TIGIT: variants seen among roughly 807,000 people sequenced by gnomAD.
The protein encoded by TIGIT is T cell immunoreceptor with Ig and ITIM domains.
Under a neutral mutation model 19.6 loss-of-function variants are expected in TIGIT, and 11 were observed. The ratio of observed to expected loss-of-function variants is 0.56; its 90% CI spans 0.35 to 0.93. The LOEUF (loss-of-function observed/expected upper bound fraction) is 0.93. Among genes scored for constraint, TIGIT ranks in the 40% least tolerant of loss-of-function variants. The probability of loss-of-function intolerance (pLI) is 0.01; values close to 1 mark genes in which losing one functional copy is unlikely to be tolerated. For missense variants in TIGIT, 295 were observed against 303.9 expected (o/e 0.97, Z 0.22); for synonymous variants, 130 against 125.5 (o/e 1.04, Z -0.24).
chr3:114,306,350 A>G (rs1346193563), intron 3 of TIGIT, among the ~76,000 whole-genome samples: 1 of 152,164 alleles, frequency 6.6e-6, no homozygotes, highest in East Asian at 1.9e-4. Context: ...GACACACCCA[A>G]AATGGGCTTT....
In TIGIT at chr3:114,294,093, AG is replaced by A. The variant is rs2107946070; in HGVS notation, c.36del (p.Leu13Ter). Reference protein sequence around the residue: MRWCLLLIWAQGLRQAPLASG... With the variant: MRWCLLLIWAXGLRQAPLASG... ...TGGTGTCTCCTCCTGATCTGGGCCC[AG>A]GGGCTGAGGCAGGCTCCCCTCGCCT... On this transcript the variant is annotated frameshift_variant, in exon 1 of 4. Transcript: ENST00000383671. LOFTEE classifies it high-confidence loss of function. 2 of 1,555,050 alleles carry A rather than the reference AG, an allele frequency of 1.3e-6. No individual in the cohort carries two copies. Among genetic ancestry groups the A allele is most frequent in the East Asian group, 2.4e-5 (1 of 41,600 alleles).
chr3:114,303,575 A>ATATATATATACATATATATG (rs1560033602), intron 3 of TIGIT, among the ~76,000 whole-genome samples: 40 of 4,928 alleles, frequency 8.1e-3, no homozygotes, highest in African/African-American at 0.013. Context: ...ATATATATGT[A>ATATATATATACATATATATG]TATATATATA....
rs1560036027 is a variant in TIGIT at position 114,309,181 on chromosome 3, A to G, written c.*1050A>G. Reference sequence around the variant, plus strand: ...GATTTTTAAAATAGGGACTCTTCCTAGGGGAAAAAGGGGGGCTGGGAGTGA... The same window carrying G: ...GATTTTTAAAATAGGGACTCTTCCTGGGGGAAAAAGGGGGGCTGGGAGTGA... On this transcript the variant is annotated 3_prime_UTR_variant, in exon 4 of 4. Transcript: ENST00000383671. 1 of 152,250 alleles carries G rather than the reference A, an allele frequency of 6.6e-6. No individual in the cohort carries two copies. Among genetic ancestry groups the G allele is most frequent in the Non-Finnish European group, 1.5e-5 (1 of 68,060 alleles). 9.4% of individuals were successfully genotyped at this position (152,250 alleles called of 1,614,324 possible).
intron 3 of TIGIT, among the ~76,000 whole-genome samples, chr3:114,300,014 G>A (rs1178498833): frequency 2.6e-5 from 4 of 152,116 alleles, no homozygotes; most frequent in African/African-American, 9.7e-5. Flanking sequence ...CTATGATTTT[G>A]ATGCATCGTG....
At chr3:114,306,713 T>G (rs3995900) in intron 3 of TIGIT, among the ~76,000 whole-genome samples, 42,827 of 152,094 alleles carry the variant, frequency 0.28, 6,953 homozygotes, top group Middle Eastern at 0.38. Flanking sequence ...GGGATGTTTT[T>G]GGGATCATCA....
At chr3:114,304,654 A>G (rs2078519140) in intron 3 of TIGIT, among the ~76,000 whole-genome samples, 1 of 152,192 alleles carries the variant, frequency 6.6e-6, no homozygotes, top group African/African-American at 2.4e-5. Context: ...CTATTCTCTT[A>G]GCAGACCCAG....
At chr3:114,306,775 T>C (rs2078537901) in intron 3 of TIGIT, among the ~76,000 whole-genome samples, 1 of 102,384 alleles carries the variant, frequency 9.8e-6, no homozygotes, top group Non-Finnish European at 2.2e-5. Flanking sequence ...TGTAGTGAAA[T>C]TATGGATTTT....
chr3:114,309,714 T>C lies in TIGIT; in HGVS notation c.*1583T>C, dbSNP rs529947839. The C allele has an allele frequency of 2.0e-5, 3 of 152,336 alleles. 1 individual carries two copies. In the South Asian group the frequency reaches 6.2e-4, roughly 32 times the overall value. The allele number at this position is 152,336 out of a possible 1,614,324, so 9.4% of individuals were successfully genotyped here. ...CTGTGGCAGTTTACAGCATTTTTCT[T>C]GCAAAATTAGTGCAAATCTGTTGGA... On this transcript the variant is annotated 3_prime_UTR_variant, in exon 4 of 4. Transcript: ENST00000383671.
chr3:114,307,823 G>A (rs764517190), intron 3 of TIGIT, 72 bp from the exon 4 acceptor site: 1 of 1,343,138 alleles, frequency 7.4e-7, no homozygotes, highest in East Asian at 2.3e-5. Flanking sequence ...AAGGAAGAGA[G>A]AGATGTCATA....
Position 114,294,075 on chromosome 3 carries a change from T to C in TIGIT, c.14T>C (p.Leu5Pro), listed in dbSNP as rs1363645948. The C allele has an allele frequency of 2.6e-6, 4 of 1,553,246 alleles. No homozygotes were observed. Among genetic ancestry groups the C allele is most frequent in the Non-Finnish European group, 3.5e-6 (4 of 1,147,756 alleles). MRWCLLLIWAQGLRQ... is the reference protein window; with the variant it reads MRWCPLLIWAQGLRQ... The stretch of plus-strand genomic sequence containing the variant: ...CTGGGCAGAAGCATGCGCTGGTGTC[T>C]CCTCCTGATCTGGGCCCAGGGGCTG... Residue 5 changes from leucine (L) to proline (P), a missense_variant, in exon 1 of 4, where the codon CTC (leucine) becomes CCC (proline). Coordinates refer to ENST00000383671, the MANE Select transcript of TIGIT (RefSeq NM_173799.4).
chr3:114,299,483 T>C, intron 2 of TIGIT, 114 bp from the exon 3 acceptor site: 1 of 733,708 alleles, frequency 1.4e-6, no homozygotes, highest in South Asian at 1.6e-5. Flanking sequence ...GTCCCATGGT[T>C]ACACAAAGGG....
intron 2 of TIGIT, among the ~76,000 whole-genome samples, chr3:114,296,284 G>C (rs1420805877): frequency 5.9e-5 from 9 of 152,228 alleles, no homozygotes. Context: ...AACATAGCCT[G>C]TGCTAAGTTT....
chr3:114,304,547 C>A (rs936326058), intron 3 of TIGIT, among the ~76,000 whole-genome samples: 2 of 152,224 alleles, frequency 1.3e-5, no homozygotes, highest in East Asian at 3.8e-4. Context: ...ATGTTCTACC[C>A]CCTACCACAA....
chr3:114,300,461 A>G (rs146166446), intron 3 of TIGIT, among the ~76,000 whole-genome samples: 1,713 of 152,248 alleles, frequency 0.011, 19 homozygotes, highest in Non-Finnish European at 0.019. Flanking sequence ...TATGTGGCTG[A>G]AAGAGTAATG....
At chr3:114,298,138 A>G (rs527301946) in intron 2 of TIGIT, among the ~76,000 whole-genome samples, 1 of 152,332 alleles carries the variant, frequency 6.6e-6, no homozygotes, top group South Asian at 2.1e-4. Context: ...AGTAACCCTT[A>G]TACAGAGTCT....
At position 114,309,836 on chromosome 3, in the gene TIGIT, T is replaced by C. The variant is rs1440513030; in HGVS notation, c.*1705T>C. On this transcript the variant is annotated 3_prime_UTR_variant, in exon 4 of 4. Coordinates refer to ENST00000383671, the MANE Select transcript of TIGIT (RefSeq NM_173799.4). ...GAGGAGGTGTATATTCGGCAGAGGT[T>C]GGACTGAGAGTTGGGTGTTATTTAA... is the stretch of plus-strand genomic sequence containing the variant. 3.3e-5 allele frequency: 5 copies of C among 152,172 alleles called. No homozygotes were observed. Among genetic ancestry groups the C allele is most frequent in the Admixed American group, 3.3e-4 (5 of 15,278 alleles). The allele number at this position is 152,172 out of a possible 1,614,324, so 9.4% of individuals were successfully genotyped here. A position where few individuals can be genotyped will look rare whatever the true frequency, so the allele number is the denominator to read the frequency against.
chr3:114,304,228 C>T (rs2078515849), intron 3 of TIGIT, among the ~76,000 whole-genome samples: 1 of 151,866 alleles, frequency 6.6e-6, no homozygotes, highest in South Asian at 2.1e-4. Flanking sequence ...ATTTCTTTTG[C>T]TGTGCAGAAG....
At chr3:114,300,090 G>A (rs998250047) in intron 3 of TIGIT, among the ~76,000 whole-genome samples, 1 of 152,120 alleles carries the variant, frequency 6.6e-6, no homozygotes, top group African/African-American at 2.4e-5. Context: ...CTCTGGTAGT[G>A]CTAGGTTACC....
At chr3:114,295,435 C>G in intron 1 of TIGIT, 110 bp from the exon 2 acceptor site, 1 of 794,868 alleles carries the variant, frequency 1.3e-6, no homozygotes, top group Non-Finnish European at 2.1e-6. Flanking sequence ...ACTGGAGAAA[C>G]TATCATTCCA....
Sources: gnomAD v4.1 joint callset for allele counts (sites outside exome capture counted in the v4.1 genomes callset) on GRCh38, gnomAD v4.1.1 for gene constraint, MANE v1.5 for transcripts, NCBI Gene and HGNC (gene_info 2026-07-23, HGNC 2026-07-21) for gene names.